COL25A1: variants seen among roughly 807,000 people sequenced by gnomAD.
The protein encoded by COL25A1 is collagen type XXV alpha 1 chain.
In COL25A1, 103 loss-of-function variants were observed where a neutral mutation model predicts 128.4. That is an observed-to-expected ratio of 0.80 (90% CI 0.68 to 0.94). The LOEUF (loss-of-function observed/expected upper bound fraction) is 0.94. COL25A1 is among the 40% of genes least tolerant of loss of function. The pLI is 0.00. For synonymous variants in COL25A1, 279 were observed against 277.2 expected, an observed-to-expected ratio of 1.01 and a Z score of -0.06; for missense variants, 745 against 840.0, an observed-to-expected ratio of 0.89 and a Z score of 1.40.
intron 3 of COL25A1, among the ~76,000 whole-genome samples, chr4:109,192,649 C>A (rs1010396823): frequency 2.0e-5 from 3 of 152,044 alleles, no homozygotes; most frequent in African/African-American, 4.8e-5. Context: ...GTCAGGAGAT[C>A]GAGACCATCC....
chr4:109,074,860 A>G (rs1763258630), intron 3 of COL25A1, among the ~76,000 whole-genome samples: 1 of 152,172 alleles, frequency 6.6e-6, no homozygotes, highest in African/African-American at 2.4e-5. Flanking sequence ...AGAAAAGCAT[A>G]AAGTTTCTTA....
At chr4:108,960,193 A>AAC (rs1204680618) in intron 8 of COL25A1, among the ~76,000 whole-genome samples, 1 of 134,762 alleles carries the variant, frequency 7.4e-6, no homozygotes, top group Non-Finnish European at 1.7e-5. Context: ...TCTTAACACA[A>AAC]ACAGTAGTTA....
chr4:109,062,338 C>T (rs1176831919), intron 3 of COL25A1, among the ~76,000 whole-genome samples: 1 of 152,082 alleles, frequency 6.6e-6, no homozygotes, highest in Non-Finnish European at 1.5e-5. Context: ...TGCAACTTAA[C>T]TATCATAAGG....
intron 21 of COL25A1, 146 bp from the exon 22 acceptor site, chr4:108,862,691 T>C (rs937686151): frequency 2.1e-5 from 14 of 673,590 alleles, no homozygotes; most frequent in Non-Finnish European, 3.7e-5. Context: ...CTACAGAATG[T>C]CGGTTATTAT....
intron 3 of COL25A1, among the ~76,000 whole-genome samples, chr4:109,188,141 G>A (rs753766085): frequency 2.0e-5 from 3 of 152,150 alleles, no homozygotes; most frequent in East Asian, 3.9e-4. Context: ...CTATAGAGCC[G>A]ATGTTCCGAT....
chr4:109,062,602 GA>G (rs138513373), intron 3 of COL25A1, among the ~76,000 whole-genome samples: 1,644 of 152,122 alleles, frequency 0.011, 26 homozygotes, highest in African/African-American at 0.038. Flanking sequence ...ATATTCAATA[GA>G]ATACATTTTC....
chr4:109,164,094 A>T (rs1242054631), intron 3 of COL25A1, among the ~76,000 whole-genome samples: 1 of 152,082 alleles, frequency 6.6e-6, no homozygotes, highest in Non-Finnish European at 1.5e-5. Context: ...TATTCAACAA[A>T]CTCTGCTTGC....
At chr4:109,217,908 C>T (rs752257395) in intron 3 of COL25A1, among the ~76,000 whole-genome samples, 4 of 152,058 alleles carry the variant, frequency 2.6e-5, no homozygotes, top group Non-Finnish European at 4.4e-5. Context: ...CACAGTTGGT[C>T]GAAACCAAGG....
At chr4:109,114,731 G>T (rs1767362813) in intron 3 of COL25A1, among the ~76,000 whole-genome samples, 1 of 151,990 alleles carries the variant, frequency 6.6e-6, no homozygotes, top group African/African-American at 2.4e-5. Context: ...TAGAGAATGG[G>T]GTCTTTCCTT....
chr4:109,225,833 T>C (rs7693097), intron 3 of COL25A1, among the ~76,000 whole-genome samples: 10,871 of 151,942 alleles, frequency 0.072, 900 homozygotes, highest in African/African-American at 0.2. Flanking sequence ...TATTTACATA[T>C]ATAAAATGGA....
At chr4:109,115,503 C>T (rs1560717650) in intron 3 of COL25A1, among the ~76,000 whole-genome samples, 1 of 151,952 alleles carries the variant, frequency 6.6e-6, no homozygotes, top group Non-Finnish European at 1.5e-5. Flanking sequence ...ATTTTTAGCT[C>T]CTTTCATTTG....
At chr4:109,200,968 A>G (rs1163958718) in intron 3 of COL25A1, among the ~76,000 whole-genome samples, 2 of 152,114 alleles carry the variant, frequency 1.3e-5, no homozygotes, top group Non-Finnish European at 2.9e-5. Context: ...CTTGATATAT[A>G]TATCTCCTAC....
At chr4:109,301,282 A>G (rs569338025) in intron 2 of COL25A1, among the ~76,000 whole-genome samples, 41 of 152,312 alleles carry the variant, frequency 2.7e-4, no homozygotes, top group Admixed American at 1.1e-3. Context: ...TAAATTATAT[A>G]TGACATTATT....
intron 5 of COL25A1, among the ~76,000 whole-genome samples, chr4:109,031,698 G>A (rs1479202356): frequency 6.6e-6 from 1 of 152,098 alleles, no homozygotes; most frequent in Non-Finnish European, 1.5e-5. Context: ...AGTTAGACCT[G>A]GCAGTCAAAA....
chr4:109,173,394 T>C (rs971552024), intron 3 of COL25A1, among the ~76,000 whole-genome samples: 3 of 152,188 alleles, frequency 2.0e-5, no homozygotes, highest in Non-Finnish European at 2.9e-5. Context: ...CCAAGATACT[T>C]CCTGATGAAT....
intron 6 of COL25A1, among the ~76,000 whole-genome samples, chr4:108,983,118 C>T (rs1442534510): frequency 6.6e-6 from 1 of 152,192 alleles, no homozygotes; most frequent in Non-Finnish European, 1.5e-5. Flanking sequence ...GAAGGGAACC[C>T]TTCTACCTAG....
intron 3 of COL25A1, among the ~76,000 whole-genome samples, chr4:109,260,643 A>G (rs1435284901): frequency 6.6e-6 from 1 of 151,962 alleles, no homozygotes; most frequent in African/African-American, 2.4e-5. Flanking sequence ...CTACAGGTGC[A>G]TACCACCATG....
At chr4:108,818,670 G>A (rs1441147476) in intron 36 of COL25A1, among the ~76,000 whole-genome samples, 1 of 152,122 alleles carries the variant, frequency 6.6e-6, no homozygotes, top group Non-Finnish European at 1.5e-5. Context: ...AAAAGGTTAT[G>A]TGGCAAAGAA....
chr4:109,086,723 C>T (rs1236089346), intron 3 of COL25A1, among the ~76,000 whole-genome samples: 2 of 152,084 alleles, frequency 1.3e-5, no homozygotes, highest in Non-Finnish European at 2.9e-5. Context: ...TATCCATCAC[C>T]CACGCCTGGC....
Sources: gnomAD v4.1 joint callset for allele counts (sites outside exome capture counted in the v4.1 genomes callset) on GRCh38, gnomAD v4.1.1 for gene constraint, MANE v1.5 for transcripts, NCBI Gene and HGNC (gene_info 2026-07-23, HGNC 2026-07-21) for gene names.